NME7: variants seen among roughly 807,000 people sequenced by gnomAD.
NME7 encodes nucleoside diphosphate kinase 7.
NME7 carries 41 observed loss-of-function variants against 49.1 expected under a neutral mutation model. That is an observed-to-expected ratio of 0.83 (90% CI 0.65 to 1.08). The LOEUF (loss-of-function observed/expected upper bound fraction) is 1.08. Ranked by LOEUF, NME7 falls within the 50% of genes least tolerant of loss-of-function variation. The pLI is 0.00. For synonymous variants in NME7, 139 were observed against 150.6 expected (o/e 0.92, Z 0.56); for missense variants, 423 against 463.4 (o/e 0.91, Z 0.80).
chr1:169,211,886 A>G (rs1049865482), intron 10 of NME7, among the ~76,000 whole-genome samples: 1 of 152,206 alleles, frequency 6.6e-6, no homozygotes, highest in Non-Finnish European at 1.5e-5. Flanking sequence ...ATATTTGAAT[A>G]AAATTTTAAT....
intron 1 of NME7, among the ~76,000 whole-genome samples, chr1:169,354,416 G>A (rs1653303363): frequency 6.6e-6 from 1 of 151,612 alleles, no homozygotes; most frequent in South Asian, 2.1e-4. Flanking sequence ...TGGTTAATGG[G>A]TACAAAAAAA....
rs546326359 is a variant in NME7 at position 169,273,409 on chromosome 1, A to G, written c.754+13894T>C. Among the ~76,000 whole-genome samples the G allele has an allele frequency of 4.5e-5, 6 of 133,032 alleles. 1 individual carries two copies. Among genetic ancestry groups the G allele is most frequent in the Non-Finnish European group, 1.1e-4 (6 of 56,680 alleles). 87.3% of individuals were successfully genotyped at this position (133,032 alleles called of 152,430 possible). ...TGAAGTCATCACTTTTTAAGGCTGC[A>G]TAGTATTCCATGGCGTATATGCACC... On this transcript the variant is annotated intron_variant, in intron 7 of 11. Coordinates refer to ENST00000367811, the MANE Select transcript of NME7 (RefSeq NM_013330.5).
At chr1:169,194,596 C>G (rs1660321950) in intron 10 of NME7, among the ~76,000 whole-genome samples, 1 of 152,168 alleles carries the variant, frequency 6.6e-6, no homozygotes, top group African/African-American at 2.4e-5. Context: ...GACTATAAAA[C>G]CAACTGCTCA....
At position 169,169,439 on chromosome 1, in the gene NME7, T is replaced by A; in HGVS notation, c.1098+8A>T. On this transcript the variant is annotated splice_region_variant and intron_variant, in intron 11 of 11. Transcript: ENST00000367811. ...ATATAAATAGGATGTTTACCTTCTT[T>A]ATCTTACCTCTAATAGGCCATCCTC... 1 of 1,605,018 alleles carries A rather than the reference T, an allele frequency of 6.2e-7. No individual in the cohort carries two copies. The highest frequency in any genetic ancestry group is 8.5e-7 in the Non-Finnish European group (1 of 1,173,822).
intron 10 of NME7, among the ~76,000 whole-genome samples, chr1:169,190,270 C>T (rs1187523264): frequency 6.6e-6 from 1 of 151,580 alleles, no homozygotes; most frequent in East Asian, 1.9e-4. Context: ...TGTTAACAAC[C>T]ATGTTATGGA....
intron 11 of NME7, among the ~76,000 whole-genome samples, chr1:169,161,179 C>A (rs1659232324): frequency 6.6e-6 from 1 of 152,196 alleles, no homozygotes; most frequent in African/African-American, 2.4e-5. Context: ...GAGGCCCCTG[C>A]TGATGTTTCC....
intron 10 of NME7, among the ~76,000 whole-genome samples, chr1:169,202,243 G>T (rs7547686): frequency 0.36 from 54,809 of 151,978 alleles, 10,821 homozygotes; most frequent in East Asian, 0.78. Flanking sequence ...AATCATGGGG[G>T]CAGATCCCTC....
intron 7 of NME7, among the ~76,000 whole-genome samples, chr1:169,251,668 T>A (rs1648623310): frequency 6.8e-6 from 1 of 146,420 alleles, no homozygotes; most frequent in Admixed American, 6.9e-5. Flanking sequence ...CACTAACTCA[T>A]CATCTAGCAT....
chr1:169,137,714 C>A (rs2101805333), intron 11 of NME7, among the ~76,000 whole-genome samples: 1 of 152,184 alleles, frequency 6.6e-6, no homozygotes, highest in East Asian at 1.9e-4. Context: ...TTTTCAGCTC[C>A]CAAAATATGG....
At chr1:169,213,215 T>C (rs1228675412) in intron 10 of NME7, among the ~76,000 whole-genome samples, 2 of 152,162 alleles carry the variant, frequency 1.3e-5, no homozygotes. Context: ...AGGTTATATA[T>C]TGATCATTAA....
chr1:169,182,455 C>T (rs1425566814), intron 10 of NME7, among the ~76,000 whole-genome samples: 1 of 152,190 alleles, frequency 6.6e-6, no homozygotes, highest in African/African-American at 2.4e-5. Context: ...GCTTGGGAGT[C>T]ATCCTAAGAC....
At chr1:169,198,026 A>C (rs1404417515) in intron 10 of NME7, among the ~76,000 whole-genome samples, 1 of 152,124 alleles carries the variant, frequency 6.6e-6, no homozygotes, top group Non-Finnish European at 1.5e-5. Context: ...AAAATGACTT[A>C]ATTTAAAAAT....
At chr1:169,146,150 T>C (rs1352517522) in intron 11 of NME7, among the ~76,000 whole-genome samples, 2 of 152,188 alleles carry the variant, frequency 1.3e-5, no homozygotes, top group African/African-American at 4.8e-5. Flanking sequence ...TGTGTAACCA[T>C]TGTTTGGCTC....
At chr1:169,309,058 T>C (rs917187662) in intron 4 of NME7, among the ~76,000 whole-genome samples, 1 of 152,174 alleles carries the variant, frequency 6.6e-6, no homozygotes, top group African/African-American at 2.4e-5. Context: ...TAAGAAATGA[T>C]TATAATTATC....
intron 1 of NME7, among the ~76,000 whole-genome samples, chr1:169,356,623 T>C (rs956794949): frequency 6.6e-6 from 1 of 152,192 alleles, no homozygotes; most frequent in African/African-American, 2.4e-5. Flanking sequence ...TCTGTGTATC[T>C]TGTGTCCTCT....
rs532289650 is a variant in NME7, at chr1:169,259,169, T to C, written c.755-21482A>G. Among the ~76,000 whole-genome samples the C allele has an allele frequency of 6.0e-5, 8 of 133,750 alleles. 3 individuals carry two copies. In the South Asian group the frequency reaches 1.8e-3, roughly 31 times the overall value. 87.7% of individuals were successfully genotyped at this position (133,750 alleles called of 152,430 possible). A position where few individuals can be genotyped will look rare whatever the true frequency, so the allele number is the denominator to read the frequency against. ...CAGATATGCTCAGATTAAATAATTT[T>C]AAAGTGAACATCTACAGTTATCATC... On this transcript the variant is annotated intron_variant, in intron 7 of 11. Transcript: ENST00000367811.
chr1:169,327,275 T>C, intron 1 of NME7, among the ~76,000 whole-genome samples: 1 of 152,214 alleles, frequency 6.6e-6, no homozygotes, highest in East Asian at 1.9e-4. Context: ...TTCCAACTTC[T>C]ATCAAAAGTA....
chr1:169,133,998 A>G (rs1018687328), intron 11 of NME7, among the ~76,000 whole-genome samples: 6 of 152,162 alleles, frequency 3.9e-5, no homozygotes, highest in Admixed American at 3.3e-4. Flanking sequence ...GTTCTAAGCC[A>G]TTGTGTGTGT....
chr1:169,359,355 G>A (rs1034803674), intron 1 of NME7, among the ~76,000 whole-genome samples: 1 of 151,782 alleles, frequency 6.6e-6, no homozygotes, highest in African/African-American at 2.4e-5. Flanking sequence ...CCCAGGGCTG[G>A]CTGTAGTTCT....
Sources: gnomAD v4.1 joint callset for allele counts (sites outside exome capture counted in the v4.1 genomes callset) on GRCh38, gnomAD v4.1.1 for gene constraint, MANE v1.5 for transcripts, NCBI Gene and HGNC (gene_info 2026-07-23, HGNC 2026-07-21) for gene names.